Variants in TET3 observed in about 807,000 individuals in gnomAD.
The protein encoded by TET3 is tet methylcytosine dioxygenase 3.
A neutral mutation model predicts 141.4 loss-of-function variants in TET3; 19 were observed. The ratio of observed to expected loss-of-function variants is 0.13; its 90% CI spans 0.09 to 0.20. The LOEUF is 0.20. Ranked by LOEUF, TET3 falls within the 10% of genes least tolerant of loss-of-function variation. TET3 has a pLI of 1.00. For missense variants in TET3, 1,874 were observed against 2,356.9 expected (o/e 0.80, Z 4.24); for synonymous variants, 1,043 against 980.9 (o/e 1.06, Z -1.18).
At chr2:74,029,252 T>A (rs1392419740) in intron 3 of TET3, among the ~76,000 whole-genome samples, 1 of 152,188 alleles carries the variant, frequency 6.6e-6, no homozygotes, top group Non-Finnish European at 1.5e-5. Context: ...CCTTCAAGGT[T>A]GAGTAGAATC....
At chr2:74,034,559 G>T (rs1686923218) in intron 3 of TET3, among the ~76,000 whole-genome samples, 1 of 142,836 alleles carries the variant, frequency 7.0e-6, no homozygotes, top group Non-Finnish European at 1.5e-5. Flanking sequence ...GACATATGTA[G>T]TCCTCGAGCA....
chr2:74,009,271 G>A (rs1420447575), intron 3 of TET3, among the ~76,000 whole-genome samples: 1 of 150,114 alleles, frequency 6.7e-6, no homozygotes, highest in Non-Finnish European at 1.5e-5. Context: ...AGGGAGGCTG[G>A]TAACTCCTGT....
chr2:74,104,781 C>T lies in TET3; in HGVS notation c.*2605C>T, dbSNP rs756864680. 10 of 176,300 alleles carry T rather than the reference C, an allele frequency of 5.7e-5. No individual in the cohort carries two copies. Among genetic ancestry groups the T allele is most frequent in the Non-Finnish European group, 9.4e-5 (8 of 84,834 alleles). 10.9% of individuals were successfully genotyped at this position (176,300 alleles called of 1,614,324 possible). A position where few individuals can be genotyped will look rare whatever the true frequency, so the allele number is the denominator to read the frequency against. On this transcript the variant is annotated 3_prime_UTR_variant, in exon 12 of 12. Transcript: ENST00000409262. Reference sequence around the variant, plus strand: ...ACCAATACAAGCTAAAAGCATGCGACGTCTGTCCCCCAGCCCAAACAGCCT... The same window carrying T: ...ACCAATACAAGCTAAAAGCATGCGATGTCTGTCCCCCAGCCCAAACAGCCT...
At chr2:73,999,473 G>A (rs1007853340) in intron 2 of TET3, among the ~76,000 whole-genome samples, 1 of 152,186 alleles carries the variant, frequency 6.6e-6, no homozygotes, top group Non-Finnish European at 1.5e-5. Context: ...AATGTGTCTG[G>A]TTGTGTCTGT....
chr2:74,043,315 C>T (rs1292065667), intron 3 of TET3, among the ~76,000 whole-genome samples: 2 of 152,176 alleles, frequency 1.3e-5, no homozygotes, highest in Non-Finnish European at 1.5e-5. Context: ...CAGGGAAAAG[C>T]TGATATATTC....
chr2:74,009,596 T>C (rs1685321424), intron 3 of TET3, among the ~76,000 whole-genome samples: 1 of 152,206 alleles, frequency 6.6e-6, no homozygotes, highest in South Asian at 2.1e-4. Context: ...ATGTCCACCA[T>C]ATTTTTCCTA....
chr2:74,068,631 G>T (rs1367550564), intron 4 of TET3, among the ~76,000 whole-genome samples: 2 of 152,078 alleles, frequency 1.3e-5, no homozygotes, highest in South Asian at 2.1e-4. Context: ...ATTTTTTGAG[G>T]AATTTGAAAT....
intron 3 of TET3, among the ~76,000 whole-genome samples, chr2:74,014,551 G>A (rs1369785591): frequency 6.6e-6 from 1 of 152,066 alleles, no homozygotes; most frequent in Non-Finnish European, 1.5e-5. Context: ...AGGACCTGTG[G>A]AATTTTTTTT....
At chr2:74,118,029 C>T in the TET3 span, among the ~76,000 whole-genome samples, 6 of 152,196 alleles carry the variant, frequency 3.9e-5, no homozygotes, top group Non-Finnish European at 8.8e-5. Context: ...CAGGCATGAG[C>T]CACTGCACCC....
intron 3 of TET3, among the ~76,000 whole-genome samples, chr2:74,005,890 T>G (rs1052302559): frequency 4.6e-5 from 7 of 152,192 alleles, no homozygotes; most frequent in African/African-American, 1.4e-4. Flanking sequence ...ACACTGTTGC[T>G]ACCACCTCCT....
intron 2 of TET3, among the ~76,000 whole-genome samples, chr2:73,994,638 C>CTTTCTTTTTTTT (rs1553412093): frequency 1.0e-5 from 1 of 96,750 alleles, no homozygotes; most frequent in African/African-American, 6.0e-5. Context: ...TTCTTTCTTT[C>CTTTCTTTTTTTT]TTTTTTTTTT....
At position 74,047,240 on chromosome 2, in the gene TET3, C is replaced by G. The variant is rs1444301184; in HGVS notation, c.1323C>G (p.Thr441=). The part of the protein sequence containing the change: ...TEFPEAWGTD[T]PPATPRSSWP... ...TCCCTGAAGCCTGGGGCACTGACAC[C>G]CCTCCAGCAACGCCCCGGAGCTCCT... The change falls in exon 4 of 12, where the codon ACC becomes ACG. Residue 441 remains threonine (T), a synonymous_variant. Coordinates refer to ENST00000409262, the MANE Select transcript of TET3 (RefSeq NM_001287491.2). 5.0e-6 allele frequency: 8 copies of G among 1,614,020 alleles called. No individual in the cohort carries two copies. The highest frequency in any genetic ancestry group is 6.8e-6 in the Non-Finnish European group (8 of 1,179,898).
the TET3 span, among the ~76,000 whole-genome samples, chr2:74,114,328 G>A: frequency 2.0e-4 from 31 of 152,168 alleles, 1 homozygote; most frequent in African/African-American, 6.7e-4. Context: ...AGGAGGATAA[G>A]GGATAAAATA....
chr2:74,103,305 C>G lies in TET3; in HGVS notation c.*1129C>G, dbSNP rs934470281. On this transcript the variant is annotated 3_prime_UTR_variant, in exon 12 of 12. Transcript: ENST00000409262. ...TGCTGTAGTGTTGTGCTGGGACTTT[C>G]TTGACTCTTGGGCAGGTCACATCCT... 3 of 152,550 alleles carry G rather than the reference C, an allele frequency of 2.0e-5. No homozygotes were observed. The highest frequency in any genetic ancestry group is 6.5e-5 in the Admixed American group (1 of 15,290). The allele number at this position is 152,550 out of a possible 1,614,324, so 9.4% of individuals were successfully genotyped here.
chr2:74,032,514 G>A (rs1311923025), intron 3 of TET3, among the ~76,000 whole-genome samples: 1 of 85,198 alleles, frequency 1.2e-5, no homozygotes, highest in East Asian at 2.3e-4. Context: ...TGTGTTAGGG[G>A]AGTTGAGGCC....
intron 3 of TET3, among the ~76,000 whole-genome samples, chr2:74,010,754 A>C (rs76096075): frequency 0.023 from 3,457 of 152,282 alleles, 141 homozygotes; most frequent in African/African-American, 0.079. Flanking sequence ...ATTTTTTCTC[A>C]TTCACTGATA....
At chr2:74,112,905 G>A (rs1415205669), downstream of TET3, among the ~76,000 whole-genome samples, 1 of 148,830 alleles carries the variant, frequency 6.7e-6, no homozygotes, top group Non-Finnish European at 1.5e-5. Flanking sequence ...AGAGGCTGAG[G>A]CAGGAGAACT....
At position 74,100,724 on chromosome 2, in the gene TET3, T is replaced by C. The variant is rs541128532; in HGVS notation, c.3936T>C (p.Ser1312=). Residue 1312 remains serine, a synonymous_variant, in exon 12 of 12, where the codon AGT becomes AGC. Transcript: ENST00000409262. ...GTGCCTGGGGGCACAGTGGCAGCAG[T>C]GGCAGTTTTGAGAAGAAGCCAGACC... The part of the protein sequence containing the change: ...GPGAWGHSGS[S]GSFEKKPDLH... 7 of 1,613,920 alleles carry C rather than the reference T, an allele frequency of 4.3e-6. No homozygotes were observed. In the Admixed American group the frequency reaches 1.0e-4, roughly 23 times the overall value.
the TET3 span, among the ~76,000 whole-genome samples, chr2:74,123,461 A>C: frequency 5.3e-4 from 80 of 152,326 alleles, no homozygotes; most frequent in African/African-American, 1.7e-3. Context: ...TACTAAAAAT[A>C]CAAAAAACTG....
Sources: allele counts gnomAD v4.1 joint callset (sites outside exome capture counted in the v4.1 genomes callset), GRCh38; gene constraint gnomAD v4.1.1; transcripts MANE v1.5; gene names NCBI Gene and HGNC (gene_info 2026-07-23, HGNC 2026-07-21).